ETV3L: variants seen among roughly 807,000 people sequenced by gnomAD.
ETV3L encodes the protein ETS variant transcription factor 3 like.
Under a neutral mutation model 27.6 loss-of-function variants are expected in ETV3L, and 30 were observed. That is an observed-to-expected ratio of 1.09 (90% CI 0.81 to 1.48). The LOEUF (loss-of-function observed/expected upper bound fraction) is 1.48. ETV3L is among the 40% of genes most tolerant of loss of function. The pLI is 0.00. For missense variants in ETV3L, 443 were observed against 455.6 expected (o/e 0.97, Z 0.25); for synonymous variants, 186 against 188.9 (o/e 0.98, Z 0.12).
intron 2 of ETV3L, 23 bp from the exon 3 acceptor site, chr1:157,098,918 T>A: frequency 6.3e-7 from 1 of 1,596,318 alleles, no homozygotes; most frequent in Non-Finnish European, 8.6e-7. Context: ...AAGTTGAGAA[T>A]AGAGTTGGCC....
Position 157,098,711 on chromosome 1 carries a change from TC to T in ETV3L, c.480del (p.Ser161ValfsTer18). On this transcript the variant is annotated frameshift_variant, in exon 3 of 5. Transcript: ENST00000454449. LOFTEE classifies it high-confidence loss of function. ...CRPALVPVGV[Q>X]SELLHSMLFA... Reference sequence around the variant, plus strand: ...GGGGCCACCTCCGCTCTTACCTCACTCTGCACACCCACGGGCACCAGCGCTG... The same window carrying T: ...GGGGCCACCTCCGCTCTTACCTCACTTGCACACCCACGGGCACCAGCGCTG... 1 of 1,597,258 alleles carries T rather than the reference TC, an allele frequency of 6.3e-7. No individual in the cohort carries two copies. Among genetic ancestry groups the T allele is most frequent in the Non-Finnish European group, 8.5e-7 (1 of 1,172,022 alleles).
In ETV3L at chr1:157,092,787, G is replaced by A; in HGVS notation, c.948C>T (p.Pro316=). The A allele has an allele frequency of 1.2e-6, 2 of 1,614,178 alleles. No individual in the cohort carries two copies. Among genetic ancestry groups the A allele is most frequent in the Non-Finnish European group, 1.7e-6 (2 of 1,180,020 alleles). Residue 316 remains proline, a synonymous_variant, in exon 5 of 5, where the codon CCC becomes CCT. Coordinates refer to ENST00000454449, the MANE Select transcript of ETV3L (RefSeq NM_001004341.2). ...CCAGGCCTCCCTTTGCCTCCATCATGGGAGCAGGCTTTACTTCCAGCCCCT... is the reference window on the plus strand; with the variant it reads ...CCAGGCCTCCCTTTGCCTCCATCATAGGAGCAGGCTTTACTTCCAGCCCCT... ...RPEGLEVKPA[P]MMEAKGGLDP... is the part of the protein sequence containing the mutation.
In ETV3L at chr1:157,092,970, G is replaced by C. The variant is rs1180470650; in HGVS notation, c.765C>G (p.Leu255=). The change falls in exon 5 of 5, where the codon CTC becomes CTG. Residue 255 remains leucine, a synonymous_variant. Coordinates refer to ENST00000454449, the MANE Select transcript of ETV3L (RefSeq NM_001004341.2). ...CCCCTGGGAGCTGCTGCTCTGACGG[G>C]AGAGGAGGCAAGAAGGGCCCCGAGA... The part of the protein sequence containing the change: ...TCLSGPFLPP[L]PSEQQLPGAF... 12 of 1,613,952 alleles carry C rather than the reference G, an allele frequency of 7.4e-6. No individual in the cohort carries two copies. In the South Asian group the frequency reaches 1.3e-4, roughly 18 times the overall value.
At chr1:157,095,809 C>T (rs1323528084) in intron 4 of ETV3L, among the ~76,000 whole-genome samples, 2 of 152,140 alleles carry the variant, frequency 1.3e-5, no homozygotes, top group East Asian at 1.9e-4. Flanking sequence ...AGCTTGGGCC[C>T]CCAGCAGCTC....
chr1:157,092,303 CT>C lies in ETV3L; in HGVS notation c.*345del. ...CAAGACTCAGGGAACACAACCACCC[CT>C]GTCCTCTCCCCAGGCTAGACCCTTA... On this transcript the variant is annotated 3_prime_UTR_variant, in exon 5 of 5. Transcript: ENST00000454449. The C allele has an allele frequency of 9.4e-6, 2 of 212,386 alleles. No homozygotes were observed. Among genetic ancestry groups the C allele is most frequent in the Non-Finnish European group, 1.9e-5 (2 of 105,756 alleles). The allele number at this position is 212,386 out of a possible 1,614,324, so 13.2% of individuals were successfully genotyped here. A position where few individuals can be genotyped will look rare whatever the true frequency, so the allele number is the denominator to read the frequency against.
At chr1:157,094,770 G>A (rs897433706) in intron 4 of ETV3L, among the ~76,000 whole-genome samples, 4 of 151,898 alleles carry the variant, frequency 2.6e-5, no homozygotes, top group Non-Finnish European at 2.9e-5. Flanking sequence ...AAAATTAGCC[G>A]GGCGTGGTGG....
At chr1:157,093,666 A>G (rs1674166845) in intron 4 of ETV3L, among the ~76,000 whole-genome samples, 1 of 151,322 alleles carries the variant, frequency 6.6e-6, no homozygotes, top group South Asian at 2.1e-4. Flanking sequence ...TAATTTTTGT[A>G]TTTTTTTGTA....
intron 3 of ETV3L, 58 bp downstream of exon 3, chr1:157,098,648 C>T: frequency 6.8e-7 from 1 of 1,478,688 alleles, no homozygotes; most frequent in African/African-American, 1.4e-5. Flanking sequence ...GGGGAGCCTC[C>T]TGGGCAGAGG....
intron 3 of ETV3L, among the ~76,000 whole-genome samples, chr1:157,098,283 A>G (rs1674271527): frequency 6.6e-6 from 1 of 152,032 alleles, no homozygotes; most frequent in African/African-American, 2.4e-5. Context: ...TTTATTGGAG[A>G]TGGGGTTTTG....
chr1:157,093,001 G>A lies in ETV3L; in HGVS notation c.734C>T (p.Thr245Ile), dbSNP rs1370985799. ...AGGCAAGAAGGGCCCCGAGAGACAG[G>A]TCCAGTTGGAGGGCAGAGGGGGCGG... is the stretch of plus-strand genomic sequence containing the variant. ...PLPPPLPSNWTCLSGPFLPPL... is the reference protein window; with the variant it reads ...PLPPPLPSNWICLSGPFLPPL... Residue 245 changes from threonine to isoleucine, a missense_variant, in exon 5 of 5, where the codon ACC becomes ATC. Transcript: ENST00000454449. The A allele has an allele frequency of 6.2e-7, 1 of 1,611,878 alleles. No individual in the cohort carries two copies. Among genetic ancestry groups the A allele is most frequent in the South Asian group, 1.1e-5 (1 of 90,812 alleles).
rs1372886558 is a variant in ETV3L at position 157,092,801 on chromosome 1, C to A, written c.934G>T (p.Val312Leu). Residue 312 changes from valine (V) to leucine (L), a missense_variant, in exon 5 of 5, where the codon GTA (valine) becomes TTA (leucine). By Grantham distance (32) the Val-to-Leu change is conservative. Coordinates refer to ENST00000454449, the MANE Select transcript of ETV3L (RefSeq NM_001004341.2). Reference sequence around the variant, plus strand: ...GCCTCCATCATGGGAGCAGGCTTTACTTCCAGCCCCTCGGGCCTGAGGGAC... The same window carrying A: ...GCCTCCATCATGGGAGCAGGCTTTAATTCCAGCCCCTCGGGCCTGAGGGAC... Reference protein sequence around the residue: ...LLSLRPEGLEVKPAPMMEAKG... With the variant: ...LLSLRPEGLELKPAPMMEAKG... 6.2e-7 allele frequency: 1 copy of A among 1,614,196 alleles called. No homozygotes were observed. The highest frequency in any genetic ancestry group is 2.2e-5 in the East Asian group (1 of 44,876).
Position 157,092,861 on chromosome 1 carries a change from G to C in ETV3L, c.874C>G (p.Leu292Val). ...HFPGLPLLAG[L>V]GQGAGERLWL... is the part of the protein sequence containing the mutation. ...AGCCTCTCACCCGCACCCTGTCCCA[G>C]CCCTGCCAAGAGAGGAAGCCCTGGA... The change falls in exon 5 of 5, where the codon CTG becomes GTG. Residue 292 changes from leucine to valine, a missense_variant. Physicochemically the swap from Leu to Val is conservative, Grantham distance 32. Transcript: ENST00000454449. 1 of 1,614,060 alleles carries C rather than the reference G, an allele frequency of 6.2e-7. No homozygotes were observed. The highest frequency in any genetic ancestry group is 8.5e-7 in the Non-Finnish European group (1 of 1,179,940).
In ETV3L at chr1:157,092,760, A is replaced by C. The variant is rs1025368863; in HGVS notation, c.975T>G (p.Asp325Glu). 4.3e-6 allele frequency: 7 copies of C among 1,614,092 alleles called. No homozygotes were observed. The highest frequency in any genetic ancestry group is 5.9e-6 in the Non-Finnish European group (7 of 1,180,002). The part of the protein sequence containing the change: ...APMMEAKGGL[D>E]PREVFCPETR... ...TCTCTGGGCAGAAGACCTCCCTGGGATCCAGGCCTCCCTTTGCCTCCATCA... is the reference window on the plus strand; with the variant it reads ...TCTCTGGGCAGAAGACCTCCCTGGGCTCCAGGCCTCCCTTTGCCTCCATCA... Residue 325 changes from aspartate (D) to glutamate (E), a missense_variant, in exon 5 of 5, where the codon GAT becomes GAG. Coordinates refer to ENST00000454449, the MANE Select transcript of ETV3L (RefSeq NM_001004341.2).
chr1:157,094,141 G>A (rs917664287), intron 4 of ETV3L, among the ~76,000 whole-genome samples: 4 of 152,344 alleles, frequency 2.6e-5, no homozygotes, highest in Admixed American at 1.3e-4. Context: ...CCTGCAGCAA[G>A]GGCCTCCAGT....
rs192558329 is a variant in ETV3L, at chr1:157,092,542, A to G, written c.*107T>C. ...CAACTCCACCCCTTCAAATCCTGCA[A>G]TTTCAGCCCATGTCCAGCCAGGGGA... is the stretch of plus-strand genomic sequence containing the variant. On this transcript the variant is annotated 3_prime_UTR_variant, in exon 5 of 5. Coordinates refer to ENST00000454449, the MANE Select transcript of ETV3L (RefSeq NM_001004341.2). The G allele has an allele frequency of 5.9e-4, 563 of 961,996 alleles. 2 individuals carry two copies. The African/African-American group carries it at 8.2e-3, about 14-fold the overall frequency. 59.6% of individuals were successfully genotyped at this position (961,996 alleles called of 1,614,324 possible). A position where few individuals can be genotyped will look rare whatever the true frequency, so the allele number is the denominator to read the frequency against.
In ETV3L at chr1:157,093,032, G is replaced by C; in HGVS notation, c.703C>G (p.Pro235Ala). ...ELPGVASFTPPLPPPLPSNWT... is the reference protein window; with the variant it reads ...ELPGVASFTPALPPPLPSNWT... ...TTGGAGGGCAGAGGGGGCGGGAGGG[G>C]AGGAGTGAAGGAGGCAACACCAGGC... The change falls in exon 5 of 5, where the codon CCC becomes GCC. Residue 235 changes from proline to alanine, a missense_variant. Pro to Ala is a conservative substitution (Grantham distance 27). Transcript: ENST00000454449. 6 of 1,588,910 alleles carry C rather than the reference G, an allele frequency of 3.8e-6. No individual in the cohort carries two copies. Among genetic ancestry groups the C allele is most frequent in the Non-Finnish European group, 4.3e-6 (5 of 1,167,456 alleles).
chr1:157,096,942 A>G (rs1205978311), intron 4 of ETV3L, among the ~76,000 whole-genome samples: 5 of 151,932 alleles, frequency 3.3e-5, no homozygotes. Context: ...AAGAAAGTAA[A>G]ATAAAATGAA....
chr1:157,094,555 A>G (rs1028577627), intron 4 of ETV3L, among the ~76,000 whole-genome samples: 1 of 152,204 alleles, frequency 6.6e-6, no homozygotes, highest in Non-Finnish European at 1.5e-5. Context: ...AGACCACATC[A>G]TTTAACTAAA....
rs1285455644 is a variant in ETV3L, at chr1:157,097,852, A to G, written c.607+16T>C. 1.9e-6 allele frequency: 3 copies of G among 1,610,154 alleles called. No individual in the cohort carries two copies. In the African/African-American group the frequency reaches 4.0e-5, roughly 22 times the overall value. On this transcript the variant is annotated intron_variant, in intron 4 of 4. Transcript: ENST00000454449. Reference sequence around the variant, plus strand: ...GGCTAAGATCCCCCTGGGCCCTCCCAGCCTTGAGCACTCACGGTAGACGCT... The same window carrying G: ...GGCTAAGATCCCCCTGGGCCCTCCCGGCCTTGAGCACTCACGGTAGACGCT...
Sources: allele counts gnomAD v4.1 joint callset (sites outside exome capture counted in the v4.1 genomes callset), GRCh38; gene constraint gnomAD v4.1.1; transcripts MANE v1.5; gene names NCBI Gene and HGNC (gene_info 2026-07-23, HGNC 2026-07-21).